The following ANGPT1 variants were observed in gnomAD, a reference collection of about 807,000 sequenced individuals.
ANGPT1 encodes the protein angiopoietin-1.
In ANGPT1, 17 loss-of-function variants were observed where a neutral mutation model predicts 62.2. The ratio of observed to expected loss-of-function variants is 0.27; its 90% CI spans 0.19 to 0.41. The LOEUF (loss-of-function observed/expected upper bound fraction) is 0.41, where lower values mean the gene tolerates loss of function less well. ANGPT1 is among the 10% of genes least tolerant of loss of function. The probability of loss-of-function intolerance (pLI) is 1.00; values close to 1 mark genes in which losing one functional copy is unlikely to be tolerated. For missense variants in ANGPT1, 478 were observed against 594.9 expected (o/e 0.80, Z 2.04); for synonymous variants, 199 against 198.9 (o/e 1.00, Z 0.00).
intron 1 of ANGPT1, among the ~76,000 whole-genome samples, chr8:107,420,861 A>G (rs1810879505): frequency 6.6e-6 from 1 of 152,136 alleles, no homozygotes; most frequent in Non-Finnish European, 1.5e-5. Context: ...ACATATAGAT[A>G]TATATGAATT....
intron 4 of ANGPT1, among the ~76,000 whole-genome samples, chr8:107,319,035 G>C (rs1815088283): frequency 2.0e-5 from 3 of 152,156 alleles, no homozygotes; most frequent in African/African-American, 4.8e-5. Flanking sequence ...TTCTGCAGAG[G>C]AAGTTTTGCT....
chr8:107,255,382 G>T (rs183533578), intron 8 of ANGPT1, among the ~76,000 whole-genome samples: 12 of 152,058 alleles, frequency 7.9e-5, no homozygotes, highest in Admixed American at 2.0e-4. Context: ...GAGAATATAG[G>T]GCTAAAAAAT....
At chr8:107,496,246 A>G (rs1202231622) in intron 1 of ANGPT1, among the ~76,000 whole-genome samples, 1 of 152,232 alleles carries the variant, frequency 6.6e-6, no homozygotes, top group Non-Finnish European at 1.5e-5. Context: ...TTCTAGTAGC[A>G]TAGTCAGTTG....
chr8:107,369,097 T>G (rs1816329507), intron 1 of ANGPT1, among the ~76,000 whole-genome samples: 1 of 152,194 alleles, frequency 6.6e-6, no homozygotes, highest in African/African-American at 2.4e-5. Flanking sequence ...TTCACCTACA[T>G]TAAAAATCTG....
rs1057196087 is a variant in ANGPT1 at position 107,345,190 on chromosome 8, G to C, written c.453+1752C>G. Among the ~76,000 whole-genome samples the C allele has an allele frequency of 5.9e-5, 9 of 152,282 alleles. 2 individuals carry two copies. Among genetic ancestry groups the C allele is most frequent in the Admixed American group, 5.9e-4 (9 of 15,298 alleles). ...TTTTTGAAATGTTTTCTGGGTTTCA[G>C]CTATCTTAAAATTGTTCTCACTGTA... On this transcript the variant is annotated intron_variant, in intron 2 of 8. Transcript: ENST00000517746.
Position 107,472,997 on chromosome 8 carries a change from T to C in ANGPT1, c.297+24265A>G, listed in dbSNP as rs552297027. Among the ~76,000 whole-genome samples, 29 of 152,170 alleles carry C rather than the reference T, an allele frequency of 1.9e-4. 1 individual carries two copies. The highest frequency in any genetic ancestry group is 1.2e-3 in the South Asian group (6 of 4,828). On this transcript the variant is annotated intron_variant, in intron 1 of 8. Transcript: ENST00000517746. ...TACCACCAGTACTGGATATCCCTGGTTTGAGCTCTTCAATTCTCCAGGGGT... is the reference window on the plus strand; with the variant it reads ...TACCACCAGTACTGGATATCCCTGGCTTGAGCTCTTCAATTCTCCAGGGGT...
chr8:107,420,650 T>C (rs1810873688), intron 1 of ANGPT1, among the ~76,000 whole-genome samples: 1 of 152,080 alleles, frequency 6.6e-6, no homozygotes, highest in Non-Finnish European at 1.5e-5. Context: ...CTGGAGAAAA[T>C]GAGAATTGGC....
chr8:107,342,832 A>C (rs3036507), intron 2 of ANGPT1, among the ~76,000 whole-genome samples: 5 of 104,442 alleles, frequency 4.8e-5, no homozygotes, highest in Admixed American at 9.3e-5. Context: ...CACACACACA[A>C]GTGTATATAT....
At chr8:107,336,319 G>T (rs760204188) in intron 2 of ANGPT1, 48 bp from the exon 3 acceptor site, 10 of 1,545,280 alleles carry the variant, frequency 6.5e-6, no homozygotes, top group African/African-American at 2.8e-5. Flanking sequence ...ACGAATCAAA[G>T]AACTTTTTTA....
At chr8:107,365,988 G>C (rs1377206493) in intron 1 of ANGPT1, among the ~76,000 whole-genome samples, 1 of 152,008 alleles carries the variant, frequency 6.6e-6, no homozygotes, top group African/African-American at 2.4e-5. Flanking sequence ...CTGACCCTCT[G>C]ATATTTTTAC....
intron 2 of ANGPT1, among the ~76,000 whole-genome samples, chr8:107,343,771 A>G (rs751421058): frequency 2.6e-5 from 4 of 152,202 alleles, no homozygotes; most frequent in African/African-American, 9.6e-5. Context: ...ACATCAAGGA[A>G]GTACCCAAAG....
At chr8:107,437,811 T>TA (rs1308058045) in intron 1 of ANGPT1, among the ~76,000 whole-genome samples, 1 of 150,868 alleles carries the variant, frequency 6.6e-6, no homozygotes, top group Non-Finnish European at 1.5e-5. Context: ...CATCTTGGAC[T>TA]AAAAAAATAA....
At chr8:107,475,956 G>C (rs1812514534) in intron 1 of ANGPT1, among the ~76,000 whole-genome samples, 1 of 152,176 alleles carries the variant, frequency 6.6e-6, no homozygotes, top group African/African-American at 2.4e-5. Flanking sequence ...AGAGGATGTG[G>C]AGAAATAAGA....
chr8:107,460,725 A>G (rs1334105282), intron 1 of ANGPT1, among the ~76,000 whole-genome samples: 2 of 152,354 alleles, frequency 1.3e-5, no homozygotes, highest in African/African-American at 4.8e-5. Flanking sequence ...TAATTCAATT[A>G]CAGGCAATTT....
rs552250567 is a variant in ANGPT1, at chr8:107,251,775, G to A, written c.*80C>T. ...AAGGGAGACAATATTGTTTGCTTCT[G>A]AAGTTTTCAAACAGTTTCTCACCTG... On this transcript the variant is annotated 3_prime_UTR_variant, in exon 9 of 9. Coordinates refer to ENST00000517746, the MANE Select transcript of ANGPT1 (RefSeq NM_001146.5). The A allele has an allele frequency of 1.8e-5, 27 of 1,530,332 alleles. No individual in the cohort carries two copies. The African/African-American group carries it at 3.6e-4, about 20-fold the overall frequency. The allele number at this position is 1,530,332 out of a possible 1,614,324, so 94.8% of individuals were successfully genotyped here.
intron 1 of ANGPT1, among the ~76,000 whole-genome samples, chr8:107,431,669 G>A (rs1355898610): frequency 5.9e-5 from 9 of 151,758 alleles, no homozygotes; most frequent in Non-Finnish European, 1.0e-4. Context: ...CCAACATACT[G>A]TCATAAGAAT....
In ANGPT1 at chr8:107,322,132, C is replaced by A. The variant is rs754318175; in HGVS notation, c.576-4G>T. On this transcript the variant is annotated splice_polypyrimidine_tract_variant and splice_region_variant and intron_variant, in intron 3 of 8. Transcript: ENST00000517746. ...TAAGATTTTATGTTCTAATAAACTA[C>A]AAGGAAGTGAAAATAAAACTTAGAT... is the stretch of plus-strand genomic sequence containing the variant. 5 of 1,587,440 alleles carry A rather than the reference C, an allele frequency of 3.1e-6. No homozygotes were observed. Among genetic ancestry groups the A allele is most frequent in the Non-Finnish European group, 4.3e-6 (5 of 1,164,488 alleles).
At chr8:107,259,247 T>C (rs942597831) in intron 8 of ANGPT1, among the ~76,000 whole-genome samples, 1 of 152,158 alleles carries the variant, frequency 6.6e-6, no homozygotes, top group African/African-American at 2.4e-5. Flanking sequence ...TTCCCAAAAA[T>C]GCTAAGACAA....
chr8:107,369,944 C>T (rs1406998681), intron 1 of ANGPT1, among the ~76,000 whole-genome samples: 1 of 151,906 alleles, frequency 6.6e-6, no homozygotes, highest in African/African-American at 2.4e-5. Context: ...TGAAGATCAG[C>T]CTGGGCAATA....
Sources: gnomAD v4.1 joint callset for allele counts (sites outside exome capture counted in the v4.1 genomes callset) on GRCh38, gnomAD v4.1.1 for gene constraint, MANE v1.5 for transcripts, NCBI Gene and HGNC (gene_info 2026-07-23, HGNC 2026-07-21) for gene names.